RHBDL3: variants seen among roughly 807,000 people sequenced by gnomAD.
The protein encoded by RHBDL3 is rhomboid-related protein 3.
RHBDL3 carries 28 observed loss-of-function variants against 48.2 expected under a neutral mutation model. The ratio of observed to expected loss-of-function variants is 0.58; its 90% CI spans 0.43 to 0.80. The LOEUF (loss-of-function observed/expected upper bound fraction) is 0.80. Among genes scored for constraint, RHBDL3 ranks in the 30% least tolerant of loss-of-function variants. RHBDL3 has a pLI of 0.00. For synonymous variants in RHBDL3, 208 were observed against 232.3 expected (o/e 0.90, Z 0.95); for missense variants, 464 against 542.7 (o/e 0.85, Z 1.44).
chr17:32,294,509 G>A (rs2040407572), intron 5 of RHBDL3, 67 bp downstream of exon 5: 1 of 1,408,608 alleles, frequency 7.1e-7, no homozygotes, highest in South Asian at 1.5e-5. Flanking sequence ...AAGATAGCCT[G>A]GATTGAAATA....
At chr17:32,303,903 C>T (rs2150738566) in intron 6 of RHBDL3, among the ~76,000 whole-genome samples, 1 of 152,204 alleles carries the variant, frequency 6.6e-6, no homozygotes, top group East Asian at 1.9e-4. Flanking sequence ...TCTGCCTGTC[C>T]CTCCTTTCTC....
At chr17:32,310,442 C>T (rs115144200) in intron 7 of RHBDL3, among the ~76,000 whole-genome samples, 11,512 of 151,768 alleles carry the variant, frequency 0.076, 473 homozygotes, top group Middle Eastern at 0.11. Flanking sequence ...CTGGCTGGTG[C>T]GGTGGCTCAT....
intron 2 of RHBDL3, among the ~76,000 whole-genome samples, chr17:32,276,263 T>C (rs2039896679): frequency 6.6e-6 from 1 of 150,654 alleles, no homozygotes. Flanking sequence ...CAAAAAAAAT[T>C]GTGAAAGTCA....
chr17:32,309,298 A>G (rs2040784651), intron 7 of RHBDL3, among the ~76,000 whole-genome samples: 1 of 151,886 alleles, frequency 6.6e-6, no homozygotes, highest in Admixed American at 6.6e-5. Flanking sequence ...CACGCCTGTA[A>G]TCCCGGCACT....
Position 32,265,991 on chromosome 17 carries a change from G to A in RHBDL3, c.-199G>A, listed in dbSNP as rs2039618023. Among the ~76,000 whole-genome samples, 1 of 146,518 alleles carries A rather than the reference G, an allele frequency of 6.8e-6. No homozygotes were observed. The highest frequency in any genetic ancestry group is 2.4e-5 in the African/African-American group (1 of 40,868). Reference sequence around the variant, plus strand: ...AGTGAAGTTTGGCGGCGGAGGGGCCGGGCGTCCCGGGGTCGCGAGGAGGCG... The same window carrying A: ...AGTGAAGTTTGGCGGCGGAGGGGCCAGGCGTCCCGGGGTCGCGAGGAGGCG... On this transcript the variant is annotated 5_prime_UTR_variant, in exon 1 of 9. Coordinates refer to ENST00000269051, the MANE Select transcript of RHBDL3 (RefSeq NM_138328.3).
At chr17:32,285,566 C>T (rs568021356) in intron 3 of RHBDL3, among the ~76,000 whole-genome samples, 76 of 152,164 alleles carry the variant, frequency 5.0e-4, no homozygotes, top group African/African-American at 1.7e-3. Flanking sequence ...GTTAGTGCTG[C>T]GCTATTTCAG....
chr17:32,284,723 G>C lies in RHBDL3; in HGVS notation c.200G>C (p.Ser67Thr). Residue 67 changes from serine to threonine, a missense_variant, in exon 3 of 9, where the codon AGC becomes ACC. Physicochemically the swap from Ser to Thr is moderately conservative, Grantham distance 58. Transcript: ENST00000269051. ...GKFRSLLESHSSKLDPHKREV... is the reference protein window; with the variant it reads ...GKFRSLLESHTSKLDPHKREV... ...TTCCGGAGTCTTCTGGAGAGCCACA[G>C]CTCCAAGCTGGACCCGCACAAAAGG... 1 of 1,614,148 alleles carries C rather than the reference G, an allele frequency of 6.2e-7. No homozygotes were observed.
At chr17:32,301,395 C>T (rs1158739706) in intron 6 of RHBDL3, among the ~76,000 whole-genome samples, 1 of 148,494 alleles carries the variant, frequency 6.7e-6, no homozygotes, top group African/African-American at 2.5e-5. Context: ...AGTGAGACCC[C>T]CATCTCTACC....
intron 8 of RHBDL3, among the ~76,000 whole-genome samples, chr17:32,320,743 T>C (rs1206536064): frequency 6.6e-6 from 1 of 152,246 alleles, no homozygotes; most frequent in African/African-American, 2.4e-5. Flanking sequence ...TTCCTGAAAT[T>C]ATCTCATGTA....
At chr17:32,277,570 G>C (rs1008618691) in intron 2 of RHBDL3, among the ~76,000 whole-genome samples, 6 of 152,212 alleles carry the variant, frequency 3.9e-5, no homozygotes, top group Non-Finnish European at 8.8e-5. Context: ...CTGAGGCCTG[G>C]TGTCCCCAGT....
At chr17:32,310,699 A>C (rs140827093) in intron 7 of RHBDL3, among the ~76,000 whole-genome samples, 29 of 65,048 alleles carry the variant, frequency 4.5e-4, no homozygotes, top group South Asian at 8.3e-4. Flanking sequence ...GGCGACAGAT[A>C]GAGACTCCGT....
intron 7 of RHBDL3, among the ~76,000 whole-genome samples, chr17:32,312,581 A>G (rs1397013716): frequency 6.6e-6 from 1 of 152,046 alleles, no homozygotes; most frequent in Non-Finnish European, 1.5e-5. Context: ...ACAGTGGCGC[A>G]ATATCGTCTC....
chr17:32,306,152 A>G (rs1248907302), intron 7 of RHBDL3, among the ~76,000 whole-genome samples: 3 of 152,156 alleles, frequency 2.0e-5, no homozygotes, highest in Non-Finnish European at 2.9e-5. Context: ...GGCCAGGCAC[A>G]GTGGCTCATG....
At chr17:32,304,677 A>C (rs1716488273) in intron 6 of RHBDL3, among the ~76,000 whole-genome samples, 1 of 152,220 alleles carries the variant, frequency 6.6e-6, no homozygotes, top group Non-Finnish European at 1.5e-5. Flanking sequence ...ATGGTTCCAG[A>C]ACCCTGACAT....
intron 6 of RHBDL3, among the ~76,000 whole-genome samples, chr17:32,299,813 G>A (rs1022231909): frequency 6.6e-6 from 1 of 152,118 alleles, no homozygotes; most frequent in East Asian, 1.9e-4. Flanking sequence ...TGAGCACATG[G>A]CGTGCACTGT....
chr17:32,266,318 G>A lies in RHBDL3; in HGVS notation c.111+18G>A. ...CGGAGGACGTGAGTGCCCCCTCCCCGCCCGGCAAACTTTCTAGGGGGCGCC... is the reference window on the plus strand; with the variant it reads ...CGGAGGACGTGAGTGCCCCCTCCCCACCCGGCAAACTTTCTAGGGGGCGCC... On this transcript the variant is annotated intron_variant, in intron 1 of 8. Coordinates refer to ENST00000269051, the MANE Select transcript of RHBDL3 (RefSeq NM_138328.3). The A allele has an allele frequency of 1.5e-6, 2 of 1,366,522 alleles. No homozygotes were observed. The highest frequency in any genetic ancestry group is 9.7e-7 in the Non-Finnish European group (1 of 1,033,584). The allele number at this position is 1,366,522 out of a possible 1,614,324, so 84.6% of individuals were successfully genotyped here. A position where few individuals can be genotyped will look rare whatever the true frequency, so the allele number is the denominator to read the frequency against.
rs12950671 is a variant in RHBDL3, at chr17:32,285,501, A to T, written c.294+684A>T. 4.9e-3 allele frequency among the ~76,000 whole-genome samples: 746 copies of T among 151,948 alleles called. 4 individuals are homozygous for T. The highest frequency in any genetic ancestry group is 8.4e-3 in the Non-Finnish European group (568 of 67,946). On this transcript the variant is annotated intron_variant, in intron 3 of 8. Coordinates refer to ENST00000269051, the MANE Select transcript of RHBDL3 (RefSeq NM_138328.3). ...CAAAGAGGCTGGAGAAGATAGGCCC[A>T]TGGATCCTGCCCAGCGGTCTGTTAT...
intron 6 of RHBDL3, among the ~76,000 whole-genome samples, chr17:32,301,682 A>G (rs2040587360): frequency 6.6e-6 from 1 of 152,108 alleles, no homozygotes; most frequent in Non-Finnish European, 1.5e-5. Context: ...TTAGCTGGGC[A>G]TGATGGCAGC....
At position 32,265,953 on chromosome 17, in the gene RHBDL3, G is replaced by A. The variant is rs1320454133; in HGVS notation, c.-237G>A. On this transcript the variant is annotated 5_prime_UTR_variant, in exon 1 of 9. Transcript: ENST00000269051. ...GCCGGGGCGGAGGCGGAGGCCGGCGGGGCAGCTAGCGCAGTGAAGTTTGGC... is the reference window on the plus strand; with the variant it reads ...GCCGGGGCGGAGGCGGAGGCCGGCGAGGCAGCTAGCGCAGTGAAGTTTGGC... 6.8e-6 allele frequency among the ~76,000 whole-genome samples: 1 copy of A among 146,814 alleles called. No individual in the cohort carries two copies. The highest frequency in any genetic ancestry group is 1.5e-5 in the Non-Finnish European group (1 of 65,920).
Sources: allele counts gnomAD v4.1 joint callset (sites outside exome capture counted in the v4.1 genomes callset), GRCh38; gene constraint gnomAD v4.1.1; transcripts MANE v1.5; gene names NCBI Gene and HGNC (gene_info 2026-07-23, HGNC 2026-07-21).